The following ZNF704 variants were observed in gnomAD, a reference collection of about 807,000 sequenced individuals.
The protein encoded by ZNF704 is zinc finger protein 704.
A neutral mutation model predicts 44.7 loss-of-function variants in ZNF704; 10 were observed. The ratio of observed to expected loss-of-function variants is 0.22; its 90% CI spans 0.14 to 0.38. The LOEUF (loss-of-function observed/expected upper bound fraction) is 0.38, where lower values mean the gene tolerates loss of function less well. ZNF704 is among the 10% of genes least tolerant of loss of function. ZNF704 has a pLI of 1.00. For synonymous variants in ZNF704, 211 were observed against 207.6 expected, an observed-to-expected ratio of 1.02 and a Z score of -0.14; for missense variants, 390 against 545.5, an observed-to-expected ratio of 0.71 and a Z score of 2.84.
At chr8:80,883,771 T>C in the ZNF704 span, among the ~76,000 whole-genome samples, 1 of 152,250 alleles carries the variant, frequency 6.6e-6, no homozygotes, top group African/African-American at 2.4e-5. Context: ...GTTTTGAATT[T>C]GAGCTTATTT....
intron 4 of ZNF704, chr8:80,673,181 TG>T (rs1339622542): frequency 6.6e-6 from 1 of 152,204 alleles, no homozygotes; most frequent in Non-Finnish European, 1.5e-5. Context: ...TGTTAAATTA[TG>T]GTTAAGAGGT....
chr8:80,850,220 C>G (rs1322355651), intron 1 of ZNF704, among the ~76,000 whole-genome samples: 2 of 152,088 alleles, frequency 1.3e-5, no homozygotes, highest in Non-Finnish European at 2.9e-5. Context: ...ATTAAATTCA[C>G]CAGAAACTTG....
intron 2 of ZNF704, among the ~76,000 whole-genome samples, chr8:80,820,669 G>A (rs1037467202): frequency 2.6e-5 from 4 of 152,154 alleles, no homozygotes; most frequent in African/African-American, 7.2e-5. Flanking sequence ...GGAGGCTGAA[G>A]GTGGGAGAAT....
At position 80,635,220 on chromosome 8, in the gene ZNF704, A is replaced by C. The variant is rs546096919; in HGVS notation, c.*6146T>G. ...AGTGGGCTTGAAAAAACTGTACAGCATTATGAAATGGTTTTGGCAAAGCTC... is the reference window on the plus strand; with the variant it reads ...AGTGGGCTTGAAAAAACTGTACAGCCTTATGAAATGGTTTTGGCAAAGCTC... On this transcript the variant is annotated 3_prime_UTR_variant, in exon 9 of 9. Transcript: ENST00000327835. 1.3e-4 allele frequency: 20 copies of C among 152,324 alleles called. No individual in the cohort carries two copies. The highest frequency in any genetic ancestry group is 4.8e-4 in the African/African-American group (20 of 41,546). 9.4% of individuals were successfully genotyped at this position (152,324 alleles called of 1,614,324 possible).
intron 2 of ZNF704, among the ~76,000 whole-genome samples, chr8:80,726,264 ATG>A (rs767124083): frequency 2.4e-4 from 36 of 148,954 alleles, no homozygotes; most frequent in East Asian, 1.3e-3. Context: ...ATATCAACAC[ATG>A]TGTTTTTTAA....
intron 1 of ZNF704, among the ~76,000 whole-genome samples, chr8:80,871,488 T>G (rs997309856): frequency 6.6e-6 from 1 of 152,310 alleles, no homozygotes; most frequent in East Asian, 1.9e-4. Context: ...CTTCTTCCTT[T>G]GAAACTCTAA....
chr8:80,858,261 T>C (rs773933693), intron 1 of ZNF704, among the ~76,000 whole-genome samples: 1 of 152,242 alleles, frequency 6.6e-6, no homozygotes, highest in South Asian at 2.1e-4. Context: ...TTTTATTTCC[T>C]TCCTCTTCTT....
chr8:80,827,787 T>C lies in ZNF704; in HGVS notation c.-21-6172A>G, dbSNP rs183561157. Among the ~76,000 whole-genome samples, 269 of 152,304 alleles carry C rather than the reference T, an allele frequency of 1.8e-3. 5 individuals carry two copies. In the South Asian group the frequency reaches 0.024, roughly 14 times the overall value. ...ATACCACACATCTACAACCATCTGA[T>C]CTTTGACAAAACTGACAAAAGCAAG... On this transcript the variant is annotated intron_variant, in intron 1 of 8. Transcript: ENST00000327835.
At chr8:80,724,389 G>A (rs1414361356) in intron 2 of ZNF704, among the ~76,000 whole-genome samples, 1 of 152,196 alleles carries the variant, frequency 6.6e-6, no homozygotes, top group African/African-American at 2.4e-5. Flanking sequence ...TAAAGCTCAT[G>A]CTGGGTTTAA....
At chr8:80,883,871 C>T in the ZNF704 span, among the ~76,000 whole-genome samples, 2 of 151,754 alleles carry the variant, frequency 1.3e-5, no homozygotes, top group African/African-American at 4.8e-5. Context: ...TAATCTATCC[C>T]CTTTGCCTCC....
intron 6 of ZNF704, among the ~76,000 whole-genome samples, chr8:80,661,199 A>G (rs551827779): frequency 6.6e-6 from 1 of 152,366 alleles, no homozygotes; most frequent in Non-Finnish European, 1.5e-5. Context: ...AAAAATGCTC[A>G]ACGTCACTAA....
chr8:80,690,392 C>A (rs10957984), intron 3 of ZNF704, among the ~76,000 whole-genome samples: 15,610 of 152,014 alleles, frequency 0.1, 2,709 homozygotes, highest in African/African-American at 0.36. Flanking sequence ...TCTACAATTC[C>A]TTTTCCCTAG....
intron 3 of ZNF704, among the ~76,000 whole-genome samples, chr8:80,692,668 G>C (rs1395291904): frequency 3.9e-5 from 6 of 152,190 alleles, no homozygotes; most frequent in Admixed American, 3.9e-4. Flanking sequence ...CAGAAATAAT[G>C]CTAGGGAAAA....
rs1194826453 is a variant in ZNF704, at chr8:80,635,076, G to C, written c.*6290C>G. The C allele has an allele frequency of 6.6e-6, 1 of 152,198 alleles. No individual in the cohort carries two copies. The highest frequency in any genetic ancestry group is 1.5e-5 in the Non-Finnish European group (1 of 68,030). 9.4% of individuals were successfully genotyped at this position (152,198 alleles called of 1,614,324 possible). On this transcript the variant is annotated 3_prime_UTR_variant, in exon 9 of 9. Coordinates refer to ENST00000327835, the MANE Select transcript of ZNF704 (RefSeq NM_001033723.3). ...CCACCTCATAAGAGCTGCCCAACGG[G>C]TGTATGGCTGTTCTATCTCAGCTTT...
At chr8:80,710,962 A>G (rs373200136) in intron 2 of ZNF704, among the ~76,000 whole-genome samples, 1 of 152,264 alleles carries the variant, frequency 6.6e-6, no homozygotes, top group South Asian at 2.1e-4. Flanking sequence ...TAGAGAGGGT[A>G]CCAGGCATGT....
At position 80,674,654 on chromosome 8, in the gene ZNF704, G is replaced by A. The variant is rs1439103112; in HGVS notation, c.559-4051C>T. The stretch of plus-strand genomic sequence containing the variant: ...AGAATGGCACCACGCCATTCAAGAG[G>A]GATGCACCCCAATGACCCAAACACC... On this transcript the variant is annotated intron_variant, in intron 4 of 8. Transcript: ENST00000327835. Among the ~76,000 whole-genome samples, 6 of 152,210 alleles carry A rather than the reference G, an allele frequency of 3.9e-5. No homozygotes were observed. The South Asian group carries it at 1.2e-3, about 32-fold the overall frequency.
rs757908715 is a variant in ZNF704, at chr8:80,643,084, G to A, written c.1078C>T (p.His360Tyr). Reference sequence around the variant, plus strand: ...GGGGAGGACAGGACCGTGTGCGCATGCTGTCTCTGCTCTCCTGTGCCCACC... The same window carrying A: ...GGGGAGGACAGGACCGTGTGCGCATACTGTCTCTGCTCTCCTGTGCCCACC... Reference protein sequence around the residue: ...HPVGTGEQRQHAHTVLSSPPR... With the variant: ...HPVGTGEQRQYAHTVLSSPPR... Residue 360 changes from histidine to tyrosine, a missense_variant, in exon 8 of 9, where the codon CAT becomes TAT. Physicochemically the swap from His to Tyr is moderately conservative, Grantham distance 83. This residue lies in a region of ZNF704 where 305 missense variants were observed against 435.7 expected (regional missense o/e 0.70). Transcript: ENST00000327835. 2 of 1,605,864 alleles carry A rather than the reference G, an allele frequency of 1.2e-6. No homozygotes were observed. Among genetic ancestry groups the A allele is most frequent in the Admixed American group, 1.7e-5 (1 of 58,818 alleles).
At chr8:80,868,293 A>C (rs1027942079) in intron 1 of ZNF704, among the ~76,000 whole-genome samples, 1 of 152,188 alleles carries the variant, frequency 6.6e-6, no homozygotes, top group Non-Finnish European at 1.5e-5. Flanking sequence ...TTTTGATCAG[A>C]AATTGAAAAC....
intron 3 of ZNF704, among the ~76,000 whole-genome samples, chr8:80,688,955 T>C (rs1374392915): frequency 1.6e-5 from 2 of 125,226 alleles, no homozygotes; most frequent in African/African-American, 7.1e-5. Context: ...TGAGACTCTG[T>C]CTCAAAAAAA....
Sources: gnomAD v4.1 joint callset for allele counts (sites outside exome capture counted in the v4.1 genomes callset) on GRCh38, gnomAD v4.1.1 for gene constraint, gnomAD v4.1.1 regional missense constraint, MANE v1.5 for transcripts, NCBI Gene and HGNC (gene_info 2026-07-23, HGNC 2026-07-21) for gene names.